The following KCNH4 variants were observed in gnomAD, a reference collection of about 807,000 sequenced individuals.
KCNH4 encodes voltage-gated delayed rectifier potassium channel KCNH4.
In KCNH4, 33 loss-of-function variants were observed where a neutral mutation model predicts 90.7. The ratio of observed to expected loss-of-function variants is 0.36; its 90% confidence interval spans 0.28 to 0.49. The LOEUF is 0.49. Ranked by LOEUF, KCNH4 falls within the 20% of genes least tolerant of loss-of-function variation. KCNH4 has a pLI of 0.98. For synonymous variants in KCNH4, 551 were observed against 581.7 expected, an observed-to-expected ratio of 0.95 and a Z score of 0.76; for missense variants, 1,044 against 1,387.1, an observed-to-expected ratio of 0.75 and a Z score of 3.93.
At chr17:42,172,029 G>A in intron 6 of KCNH4, 34 bp from the exon 7 acceptor site, 1 of 1,541,262 alleles carries the variant, frequency 6.5e-7, no homozygotes, top group Middle Eastern at 2.3e-4. Flanking sequence ...CTGTCAGCAG[G>A]CACACCTCCT....
In KCNH4 at chr17:42,160,239, G is replaced by A. The variant is rs745888215; in HGVS notation, c.2855C>T (p.Thr952Met). The A allele has an allele frequency of 6.2e-7, 1 of 1,614,140 alleles. No individual in the cohort carries two copies. The highest frequency in any genetic ancestry group is 8.5e-7 in the Non-Finnish European group (1 of 1,179,998). ...GGCTGGGCAGTGAACTTCAGCAAGCGTAGTATCCTGGAGGCTGGGTGGTGG... is the reference window on the plus strand; with the variant it reads ...GGCTGGGCAGTGAACTTCAGCAAGCATAGTATCCTGGAGGCTGGGTGGTGG... ...SRPPPSLQDTTLAEVHCPASV... is the reference protein window; with the variant it reads ...SRPPPSLQDTMLAEVHCPASV... Residue 952 changes from threonine (T) to methionine (M), a missense_variant, in exon 16 of 17, where the codon ACG (threonine) becomes ATG (methionine). Around this residue, in one of 4 missense-constraint regions of KCNH4, gnomAD observed 441 missense variants for 512.3 expected, o/e 0.86. Transcript: ENST00000264661.
chr17:42,178,904 A>G lies in KCNH4; in HGVS notation c.199T>C (p.Cys67Arg). 6.2e-7 allele frequency: 1 copy of G among 1,614,214 alleles called. No homozygotes were observed. Residue 67 changes from cysteine (C) to arginine (R), a missense_variant, in exon 2 of 17, where the codon TGC (cysteine) becomes CGC (arginine). Around this residue, in one of 4 missense-constraint regions of KCNH4, gnomAD observed 283 missense variants for 378.6 expected, o/e 0.75. Coordinates refer to ENST00000264661, the MANE Select transcript of KCNH4 (RefSeq NM_012285.3). ...GTCTCTGGGCCGTAGAGGAAACGGC[A>G]GCTGCAGGTCTTCTGCATGACCTCG... Reference protein sequence around the residue: ...RTEVMQKTCSCRFLYGPETSE... With the variant: ...RTEVMQKTCSRRFLYGPETSE...
chr17:42,178,959 G>C lies in KCNH4; in HGVS notation c.144C>G (p.Gly48=). 3.1e-6 allele frequency: 5 copies of C among 1,614,258 alleles called. No homozygotes were observed. Among genetic ancestry groups the C allele is most frequent in the Non-Finnish European group, 4.2e-6 (5 of 1,180,050 alleles). ...GACCGTAGCCTGTGAGCTCGCAGAA[G>C]CCGTCGGAGCAGTAGACGATGGGAA... is the stretch of plus-strand genomic sequence containing the variant. ...RGFPIVYCSD[G]FCELTGYGRT... is the part of the protein sequence containing the mutation. Residue 48 remains glycine (G), a synonymous_variant, in exon 2 of 17, where the codon GGC becomes GGG. Coordinates refer to ENST00000264661, the MANE Select transcript of KCNH4 (RefSeq NM_012285.3).
intron 5 of KCNH4, 149 bp from the exon 6 acceptor site, chr17:42,175,885 C>T: frequency 1.6e-6 from 2 of 1,265,322 alleles, no homozygotes; most frequent in Non-Finnish European, 1.1e-6. Context: ...GGATAGGTTA[C>T]AAGGCTGAAG....
At position 42,180,841 on chromosome 17, in the gene KCNH4, C is replaced by A; in HGVS notation, c.76+29G>T. 2 of 1,611,014 alleles carry A rather than the reference C, an allele frequency of 1.2e-6. No homozygotes were observed. Among genetic ancestry groups the A allele is most frequent in the Non-Finnish European group, 1.7e-6 (2 of 1,177,376 alleles). ...GAGGATACTTGCCCCCCAGCTCGAACCTCAAGCCCCGACCTCCGTCCCACT... is the reference window on the plus strand; with the variant it reads ...GAGGATACTTGCCCCCCAGCTCGAAACTCAAGCCCCGACCTCCGTCCCACT... On this transcript the variant is annotated intron_variant, in intron 1 of 16. Coordinates refer to ENST00000264661, the MANE Select transcript of KCNH4 (RefSeq NM_012285.3). This position sits in a 1 kb window ranked among gnomAD's most constrained non-coding sequence, Gnocchi z 4.7.
rs773066615 is a variant in KCNH4, at chr17:42,178,783, G to A, written c.310+10C>T. On this transcript the variant is annotated intron_variant, in intron 2 of 16. Transcript: ENST00000264661. ...TAGGCAGAGCTGCAGGGTGGGGTGA[G>A]CCCCCTCACCATCCTTGCGGTAGAA... 1.9e-5 allele frequency: 30 copies of A among 1,606,070 alleles called. No homozygotes were observed. The highest frequency in any genetic ancestry group is 2.6e-5 in the Non-Finnish European group (30 of 1,174,666).
At position 42,163,164 on chromosome 17, in the gene KCNH4, G is replaced by A. The variant is rs2079760278; in HGVS notation, c.2584+64C>T. 8.8e-7 allele frequency: 1 copy of A among 1,134,914 alleles called. No homozygotes were observed. The highest frequency in any genetic ancestry group is 2.3e-5 in the East Asian group (1 of 42,686). The allele number at this position is 1,134,914 out of a possible 1,614,324, so 70.3% of individuals were successfully genotyped here. A position where few individuals can be genotyped will look rare whatever the true frequency, so the allele number is the denominator to read the frequency against. On this transcript the variant is annotated intron_variant, in intron 14 of 16. Coordinates refer to ENST00000264661, the MANE Select transcript of KCNH4 (RefSeq NM_012285.3). This position sits in a 1 kb window ranked among gnomAD's most constrained non-coding sequence, Gnocchi z 5.4. ...CACATGGTAGGCCCCTACTACATAT[G>A]GGATGGATGGACAGGTGGATGGGCA...
intron 9 of KCNH4, among the ~76,000 whole-genome samples, chr17:42,169,116 G>C (rs2079808477): frequency 6.6e-6 from 1 of 151,626 alleles, no homozygotes; most frequent in Admixed American, 6.6e-5. Flanking sequence ...GTCTAGCTCT[G>C]TCACCCAGGC....
Position 42,163,163 on chromosome 17 carries a change from T to C in KCNH4, c.2584+65A>G, listed in dbSNP as rs541826826. 93 of 1,106,572 alleles carry C rather than the reference T, an allele frequency of 8.4e-5. No individual in the cohort carries two copies. The African/African-American group carries it at 1.3e-3, about 15-fold the overall frequency. 68.5% of individuals were successfully genotyped at this position (1,106,572 alleles called of 1,614,324 possible). A position where few individuals can be genotyped will look rare whatever the true frequency, so the allele number is the denominator to read the frequency against. On this transcript the variant is annotated intron_variant, in intron 14 of 16. Coordinates refer to ENST00000264661, the MANE Select transcript of KCNH4 (RefSeq NM_012285.3). The surrounding 1 kb of genome is among the most constrained non-coding windows in gnomAD (Gnocchi z 5.4). ...GCACATGGTAGGCCCCTACTACATATGGGATGGATGGACAGGTGGATGGGC... is the reference window on the plus strand; with the variant it reads ...GCACATGGTAGGCCCCTACTACATACGGGATGGATGGACAGGTGGATGGGC...
At position 42,172,949 on chromosome 17, in the gene KCNH4, C is replaced by A. The variant is rs114392782; in HGVS notation, c.988-954G>T. ...TTTATGGACACTTCTTCTTGTGGATCGGCTGCAGATGAAGAGTCAAGCAGA... is the reference window on the plus strand; with the variant it reads ...TTTATGGACACTTCTTCTTGTGGATAGGCTGCAGATGAAGAGTCAAGCAGA... On this transcript the variant is annotated intron_variant, in intron 6 of 16. Coordinates refer to ENST00000264661, the MANE Select transcript of KCNH4 (RefSeq NM_012285.3). Among the ~76,000 whole-genome samples, 616 of 151,440 alleles carry A rather than the reference C, an allele frequency of 4.1e-3. 7 individuals are homozygous for A. Among genetic ancestry groups the A allele is most frequent in the African/African-American group, 0.014 (579 of 41,192 alleles).
At chr17:42,162,717 C>T (rs903475864) in intron 14 of KCNH4, among the ~76,000 whole-genome samples, 13 of 152,018 alleles carry the variant, frequency 8.6e-5, no homozygotes, top group East Asian at 3.9e-4. Flanking sequence ...CTCAGCCTTC[C>T]GAGTAACTGG....
At chr17:42,170,065 G>T in intron 8 of KCNH4, 42 bp downstream of exon 8, 2 of 1,534,156 alleles carry the variant, frequency 1.3e-6, no homozygotes, top group Non-Finnish European at 1.8e-6. Flanking sequence ...TGCATGCTGG[G>T]CTTCGCAGGG....
chr17:42,165,838 C>G (rs2079783446), intron 10 of KCNH4, 145 bp from the exon 11 acceptor site: 1 of 974,714 alleles, frequency 1.0e-6, no homozygotes, highest in South Asian at 1.6e-5. Context: ...TGGAAATAAC[C>G]AATGGAATTG....
chr17:42,164,883 A>G (rs2079775820), intron 11 of KCNH4, among the ~76,000 whole-genome samples: 1 of 151,688 alleles, frequency 6.6e-6, no homozygotes, highest in Non-Finnish European at 1.5e-5. Flanking sequence ...AGGTGGGTGG[A>G]TCACCTGAGG....
chr17:42,163,661 G>T lies in KCNH4; in HGVS notation c.2422C>A (p.Pro808Thr). Residue 808 changes from proline to threonine, a missense_variant, in exon 13 of 17, where the codon CCT (proline) becomes ACT (threonine). Physicochemically the swap from Pro to Thr is conservative, Grantham distance 38. Around this residue, in one of 4 missense-constraint regions of KCNH4, gnomAD observed 441 missense variants for 512.3 expected, o/e 0.86. Coordinates refer to ENST00000264661, the MANE Select transcript of KCNH4 (RefSeq NM_012285.3). The surrounding 1 kb of genome is among the most constrained non-coding windows in gnomAD (Gnocchi z 5.4). ...PPRCSAAWKP[P>T]QLLIPPLGTF... is the part of the protein sequence containing the mutation. ...CCCAGTGGGGGAATGAGAAGCTGAG[G>T]GGGCTTCCAGGCAGCAGAGCACCTG... 6.6e-7 allele frequency: 1 copy of T among 1,508,222 alleles called. No homozygotes were observed. The highest frequency in any genetic ancestry group is 8.9e-7 in the Non-Finnish European group (1 of 1,128,508). 93.4% of individuals were successfully genotyped at this position (1,508,222 alleles called of 1,614,324 possible).
chr17:42,178,813 A>G lies in KCNH4; in HGVS notation c.290T>C (p.Ile97Thr), dbSNP rs758182121. 4.3e-6 allele frequency: 7 copies of G among 1,613,584 alleles called. No individual in the cohort carries two copies. Among genetic ancestry groups the G allele is most frequent in the Non-Finnish European group, 5.1e-6 (6 of 1,179,920 alleles). Residue 97 changes from isoleucine to threonine, a missense_variant, in exon 2 of 17, where the codon ATC (isoleucine) becomes ACC (threonine). Ile to Thr is a moderately conservative substitution (Grantham distance 89, BLOSUM62 -1). Transcript: ENST00000264661. ...LEGHQEHRAE[I>T]CFYRKDGSAF... The stretch of plus-strand genomic sequence containing the variant: ...CTCACCATCCTTGCGGTAGAAGCAG[A>G]TTTCAGCCCGGTGCTCCTGGTGGCC...
intron 6 of KCNH4, among the ~76,000 whole-genome samples, chr17:42,173,428 T>G (rs531298299): frequency 6.6e-6 from 1 of 152,306 alleles, no homozygotes; most frequent in East Asian, 1.9e-4. Flanking sequence ...CTTGAGTTCT[T>G]CAGGGCTTCC....
rs369170039 is a variant in KCNH4 at position 42,169,457 on chromosome 17, T to C, written c.1590+20A>G. On this transcript the variant is annotated intron_variant, in intron 9 of 16. Transcript: ENST00000264661. ...GGCCACGCGGAGGGCAAGGGCAAGA[T>C]TGGAGACCCTGCAGGCTACCTCGTT... 112 of 1,610,962 alleles carry C rather than the reference T, an allele frequency of 7.0e-5. 2 individuals are homozygous for C. Among genetic ancestry groups the C allele is most frequent in the South Asian group, 2.2e-4 (20 of 91,042 alleles).
At chr17:42,175,350 A>T (rs966229291) in intron 6 of KCNH4, among the ~76,000 whole-genome samples, 2 of 152,232 alleles carry the variant, frequency 1.3e-5, no homozygotes, top group Non-Finnish European at 2.9e-5. Context: ...TTAGCTTTTC[A>T]TTTGTCTCAG....
Sources: gnomAD v4.1 joint callset for allele counts (sites outside exome capture counted in the v4.1 genomes callset) on GRCh38, gnomAD v4.1.1 for gene constraint, gnomAD v4.1.1 regional missense constraint, Gnocchi (gnomAD v3.1) non-coding constraint, MANE v1.5 for transcripts, NCBI Gene and HGNC (gene_info 2026-07-23, HGNC 2026-07-21) for gene names.